Variants in SLC39A10 observed in about 807,000 individuals in gnomAD.
The protein encoded by SLC39A10 is solute carrier family 39 member 10, also known as zinc transporter ZIP10.
SLC39A10 carries 13 observed loss-of-function variants against 65.1 expected under a neutral mutation model. The ratio of observed to expected loss-of-function variants is 0.20; its 90% CI spans 0.13 to 0.32. The LOEUF (loss-of-function observed/expected upper bound fraction) is 0.32, where lower values mean the gene tolerates loss of function less well. SLC39A10 is among the 10% of genes least tolerant of loss of function. The pLI is 1.00. For synonymous variants in SLC39A10, 321 were observed against 342.2 expected, an observed-to-expected ratio of 0.94 and a Z score of 0.68; for missense variants, 831 against 1,018.4, an observed-to-expected ratio of 0.82 and a Z score of 2.50.
At chr2:195,674,414 A>G (rs1369256082) in intron 1 of SLC39A10, 1 of 166,394 alleles carries the variant, frequency 6.0e-6, no homozygotes, top group Non-Finnish European at 1.2e-5. Context: ...AGTAGCTGAG[A>G]TTACAGGCAC....
intron 1 of SLC39A10, among the ~76,000 whole-genome samples, chr2:195,666,633 A>C (rs1689648002): frequency 6.6e-6 from 1 of 152,070 alleles, no homozygotes. Flanking sequence ...TAATTTTTAA[A>C]ACATTTTCTG....
At chr2:195,657,519 G>T in intron 1 of SLC39A10, 1 of 985,436 alleles carries the variant, frequency 1.0e-6, no homozygotes, top group Non-Finnish European at 1.2e-6. Context: ...CTCCTCGTGT[G>T]CGGTCTGGGC....
chr2:195,713,265 T>A (rs1031728984), intron 5 of SLC39A10, among the ~76,000 whole-genome samples, 168 bp from the exon 6 acceptor site: 2 of 152,212 alleles, frequency 1.3e-5, no homozygotes, highest in Non-Finnish European at 2.9e-5. Flanking sequence ...GGATTTTTCA[T>A]CTCTGGATTG....
chr2:195,716,960 A>T lies in SLC39A10; in HGVS notation c.2020A>T (p.Ile674Phe). 1.2e-6 allele frequency: 2 copies of T among 1,614,170 alleles called. No homozygotes were observed. Among genetic ancestry groups the T allele is most frequent in the Non-Finnish European group, 1.7e-6 (2 of 1,180,012 alleles). ...AATAGCTAATATAGCCTGGATGGTG[A>T]TCATGGGGGATGGCATCCACAACTT... ...TGIANIAWMV[I>F]MGDGIHNFSD... Residue 674 changes from isoleucine (I) to phenylalanine (F), a missense_variant, in exon 7 of 10, where the codon ATC (isoleucine) becomes TTC (phenylalanine). This residue lies in a region of SLC39A10 where 120 missense variants were observed against 203.9 expected (regional missense o/e 0.59). Transcript: ENST00000359634.
chr2:195,715,385 G>A (rs1040158899), intron 6 of SLC39A10, among the ~76,000 whole-genome samples: 3 of 151,922 alleles, frequency 2.0e-5, no homozygotes, highest in African/African-American at 7.2e-5. Context: ...AATTAGCCGG[G>A]TGTGGTGGCA....
At chr2:195,615,450 A>G (rs73987217) in intron 2 of SLC39A10, among the ~76,000 whole-genome samples, 115 of 152,308 alleles carry the variant, frequency 7.6e-4, no homozygotes, top group African/African-American at 2.6e-3. Context: ...GGTGTGAGCC[A>G]CTATGACCGG....
intron 7 of SLC39A10, 102 bp from the exon 8 acceptor site, chr2:195,718,150 A>C: frequency 1.1e-6 from 1 of 881,512 alleles, no homozygotes; most frequent in South Asian, 1.8e-5. Flanking sequence ...ATATGTTAAG[A>C]AATTAATTTA....
intron 1 of SLC39A10, among the ~76,000 whole-genome samples, chr2:195,668,137 C>G (rs1039586706): frequency 1.3e-5 from 2 of 152,182 alleles, no homozygotes; most frequent in African/African-American, 2.4e-5. Context: ...CTCTGTTACT[C>G]TGTGTGTGCC....
At chr2:195,625,479 A>G (rs1031555035) in intron 2 of SLC39A10, among the ~76,000 whole-genome samples, 9 of 151,498 alleles carry the variant, frequency 5.9e-5, no homozygotes, top group Admixed American at 1.3e-4. Context: ...GTTTCTCCAT[A>G]TTGGTCAGGC....
At chr2:195,734,767 T>A in intron 9 of SLC39A10, 116 bp from the exon 10 acceptor site, 1 of 983,748 alleles carries the variant, frequency 1.0e-6, no homozygotes, top group African/African-American at 1.7e-5. Context: ...ATAAAATAAT[T>A]ATTTTGTCTG....
At chr2:195,702,601 A>G (rs533828227) in intron 3 of SLC39A10, among the ~76,000 whole-genome samples, 75 of 152,274 alleles carry the variant, frequency 4.9e-4, no homozygotes, top group African/African-American at 1.8e-3. Flanking sequence ...TCTTTTAACC[A>G]TGTTTAAGTA....
chr2:195,716,112 A>G (rs1382323972), intron 6 of SLC39A10, among the ~76,000 whole-genome samples: 2 of 152,146 alleles, frequency 1.3e-5, no homozygotes, highest in Non-Finnish European at 2.9e-5. Context: ...AGACATCACA[A>G]ATTGTCAGAG....
chr2:195,710,327 G>GTA (rs1274760274), intron 5 of SLC39A10, among the ~76,000 whole-genome samples: 1 of 152,090 alleles, frequency 6.6e-6, no homozygotes, highest in Non-Finnish European at 1.5e-5. Flanking sequence ...TTCTGTTTAA[G>GTA]TAAAGCTTTC....
intron 2 of SLC39A10, among the ~76,000 whole-genome samples, chr2:195,646,839 A>T (rs1478161561): frequency 6.6e-6 from 1 of 152,152 alleles, no homozygotes; most frequent in Non-Finnish European, 1.5e-5. Context: ...GCTTATGAGA[A>T]TCTAATGCCT....
At chr2:195,722,561 C>T (rs562487580) in intron 8 of SLC39A10, among the ~76,000 whole-genome samples, 6 of 152,170 alleles carry the variant, frequency 3.9e-5, no homozygotes, top group Admixed American at 2.6e-4. Context: ...TATTCTTACT[C>T]GGAGAGGAAC....
At chr2:195,646,016 C>T (rs1688906861) in intron 2 of SLC39A10, among the ~76,000 whole-genome samples, 1 of 152,148 alleles carries the variant, frequency 6.6e-6, no homozygotes, top group African/African-American at 2.4e-5. Flanking sequence ...GGCACAATCA[C>T]AGCTCACTGC....
intron 3 of SLC39A10, among the ~76,000 whole-genome samples, chr2:195,690,741 G>A (rs888548952): frequency 1.8e-4 from 28 of 152,006 alleles, no homozygotes; most frequent in East Asian, 1.7e-3. Context: ...TTGAATTTTA[G>A]GAGTTCTCTA....
chr2:195,697,018 G>A lies in SLC39A10; in HGVS notation c.1217-9598G>A, dbSNP rs115294142. Among the ~76,000 whole-genome samples the A allele has an allele frequency of 8.2e-3, 1,242 of 152,204 alleles. 9 individuals are homozygous for A. The highest frequency in any genetic ancestry group is 0.028 in the African/African-American group (1,179 of 41,528). ...TATTCATTAAATGAAAGTGAATCAT[G>A]ATAAAGGTCTTCATTCTCATCATCT... On this transcript the variant is annotated intron_variant, in intron 3 of 9. Transcript: ENST00000359634.
intron 1 of SLC39A10, among the ~76,000 whole-genome samples, chr2:195,664,831 G>A (rs1689572282): frequency 6.6e-6 from 1 of 152,112 alleles, no homozygotes; most frequent in Admixed American, 6.5e-5. Context: ...TTCATTCGAA[G>A]CAAGTAATCA....
Sources: allele counts gnomAD v4.1 joint callset (sites outside exome capture counted in the v4.1 genomes callset), GRCh38; gene constraint gnomAD v4.1.1; regional missense constraint gnomAD v4.1.1; transcripts MANE v1.5; gene names NCBI Gene and HGNC (gene_info 2026-07-23, HGNC 2026-07-21).